Variants in PALM2AKAP2 observed in about 807,000 individuals in gnomAD.
The protein encoded by PALM2AKAP2 is PALM2-AKAP2 fusion protein.
In PALM2AKAP2, 37 loss-of-function variants were observed where a neutral mutation model predicts 71.5. The observed-to-expected ratio is 0.52, with a 90% CI of 0.40 to 0.68. PALM2AKAP2 has a LOEUF of 0.68. PALM2AKAP2 is among the 30% of genes least tolerant of loss of function. The pLI, the probability that PALM2AKAP2 is intolerant of heterozygous loss-of-function variation, is 0.00. For synonymous variants in PALM2AKAP2, 468 were observed against 478.8 expected, an observed-to-expected ratio of 0.98 and a Z score of 0.29; for missense variants, 1,224 against 1,191.8, an observed-to-expected ratio of 1.03 and a Z score of -0.40.
intron 1 of PALM2AKAP2, among the ~76,000 whole-genome samples, chr9:109,786,341 C>G (rs965074027): frequency 6.6e-6 from 1 of 152,208 alleles, no homozygotes; most frequent in South Asian, 2.1e-4. Flanking sequence ...AAACCCAAGC[C>G]CTGTAGAAAC....
intron 1 of PALM2AKAP2, among the ~76,000 whole-genome samples, chr9:109,854,329 T>C (rs893935406): frequency 6.6e-6 from 1 of 152,224 alleles, no homozygotes; most frequent in African/African-American, 2.4e-5. Context: ...AGGAAACATA[T>C]CTATTTAGGT....
chr9:109,914,807 C>T (rs982803550), intron 3 of PALM2AKAP2, among the ~76,000 whole-genome samples: 5 of 152,180 alleles, frequency 3.3e-5, no homozygotes, highest in African/African-American at 1.2e-4. Context: ...TTCATAAAGG[C>T]TCAGCCCATC....
Position 109,849,772 on chromosome 9 carries a change from A to G in PALM2AKAP2, c.46-17719A>G, listed in dbSNP as rs898665391. Among the ~76,000 whole-genome samples, 8 of 152,158 alleles carry G rather than the reference A, an allele frequency of 5.3e-5. No individual in the cohort carries two copies. The East Asian group carries it at 9.6e-4, about 18-fold the overall frequency. ...ACTCTGTCTCAAAAAACAAAAAACAAAAAGCAAAAACAAATAAACGGAAAG... is the reference window on the plus strand; with the variant it reads ...ACTCTGTCTCAAAAAACAAAAAACAGAAAGCAAAAACAAATAAACGGAAAG... On this transcript the variant is annotated intron_variant, in intron 1 of 9. Coordinates refer to the PALM2AKAP2 transcript ENST00000302798.
chr9:110,168,338 C>A, intron 3 of PALM2AKAP2, 61 bp from the exon 11 acceptor site: 1 of 1,565,166 alleles, frequency 6.4e-7, no homozygotes, highest in South Asian at 1.2e-5. Flanking sequence ...ACAGAGAAGT[C>A]GGTTTATGTT....
chr9:109,846,023 A>G (rs948374560), intron 1 of PALM2AKAP2, among the ~76,000 whole-genome samples: 4 of 152,246 alleles, frequency 2.6e-5, no homozygotes, highest in Admixed American at 6.5e-5. Flanking sequence ...AGCAGAGAAT[A>G]CATTGATGTG....
At chr9:110,005,814 A>G (rs1832768700) in intron 6 of PALM2AKAP2, among the ~76,000 whole-genome samples, 1 of 152,114 alleles carries the variant, frequency 6.6e-6, no homozygotes, top group Non-Finnish European at 1.5e-5. Context: ...TGGGTGTGGG[A>G]CCCTCTGAGC....
Position 109,866,969 on chromosome 9 carries a change from A to G in PALM2AKAP2, c.46-522A>G, listed in dbSNP as rs1381307371. On this transcript the variant is annotated intron_variant, in intron 1 of 9. Transcript: ENST00000302798. ...TTCATTTGCATTGTTTGGTATGTCC[A>G]ACTGGGTGATTTGTCCTACAAAATT... is the stretch of plus-strand genomic sequence containing the variant. 2.4e-5 allele frequency: 11 copies of G among 454,160 alleles called. No homozygotes were observed. The East Asian group carries it at 7.6e-4, about 32-fold the overall frequency. 28.1% of individuals were successfully genotyped at this position (454,160 alleles called of 1,614,324 possible).
intron 6 of PALM2AKAP2, among the ~76,000 whole-genome samples, chr9:109,994,848 C>T (rs940167645): frequency 6.6e-6 from 1 of 152,184 alleles, no homozygotes; most frequent in African/African-American, 2.4e-5. Context: ...GGACCTGGTT[C>T]TGGGAGTTGA....
intron 1 of PALM2AKAP2, among the ~76,000 whole-genome samples, chr9:109,742,874 GA>G (rs1238381240): frequency 6.6e-6 from 1 of 152,036 alleles, no homozygotes; most frequent in East Asian, 1.9e-4. Context: ...TCAGAAACAA[GA>G]AAAAAATCTC....
intron 6 of PALM2AKAP2, among the ~76,000 whole-genome samples, chr9:110,000,366 T>C (rs2132273579): frequency 6.6e-6 from 1 of 152,326 alleles, no homozygotes; most frequent in Admixed American, 6.5e-5. Context: ...GGCTGTATAG[T>C]ATTCCATGGT....
At chr9:109,866,502 T>C (rs776769098) in intron 1 of PALM2AKAP2, among the ~76,000 whole-genome samples, 3 of 152,056 alleles carry the variant, frequency 2.0e-5, no homozygotes, top group South Asian at 2.1e-4. Context: ...ATTGTCCACA[T>C]TGGAGAAGTA....
At chr9:109,767,740 C>T (rs1829177819) in intron 1 of PALM2AKAP2, among the ~76,000 whole-genome samples, 1 of 152,178 alleles carries the variant, frequency 6.6e-6, no homozygotes, top group Admixed American at 6.5e-5. Context: ...CCCCATGCCA[C>T]TCTCTCCCCT....
chr9:109,849,149 T>C (rs2252649), intron 1 of PALM2AKAP2, among the ~76,000 whole-genome samples: 38,434 of 151,932 alleles, frequency 0.25, 5,733 homozygotes, highest in Non-Finnish European at 0.32. Flanking sequence ...TCACAAAGTA[T>C]GTTATTTCCT....
intron 6 of PALM2AKAP2, among the ~76,000 whole-genome samples, chr9:109,991,339 G>A (rs190720555): frequency 2.3e-3 from 343 of 151,782 alleles, no homozygotes; most frequent in African/African-American, 8.1e-3. Context: ...TGGGCTCAAG[G>A]CATCCTCTCA....
chr9:109,776,726 G>GA (rs369211201), upstream of PALM2AKAP2, among the ~76,000 whole-genome samples: 7 of 150,648 alleles, frequency 4.6e-5, no homozygotes, highest in African/African-American at 7.3e-5. Context: ...CCAGCCAGAG[G>GA]AAAAAAAAAT....
chr9:109,861,248 A>G (rs1490907069), intron 1 of PALM2AKAP2, among the ~76,000 whole-genome samples: 1 of 152,202 alleles, frequency 6.6e-6, no homozygotes, highest in Non-Finnish European at 1.5e-5. Context: ...ACAGCCTGGC[A>G]TCTCCTAGTG....
chr9:109,688,741 T>C (rs1294134019), intron 1 of PALM2AKAP2, among the ~76,000 whole-genome samples: 2 of 152,226 alleles, frequency 1.3e-5, no homozygotes, highest in East Asian at 3.8e-4. Flanking sequence ...GGAAAGTAGA[T>C]GCTAACAAAT....
chr9:109,850,904 G>A (rs921439524), intron 1 of PALM2AKAP2, among the ~76,000 whole-genome samples: 3 of 152,188 alleles, frequency 2.0e-5, no homozygotes, highest in East Asian at 3.9e-4. Flanking sequence ...GTGGCCGGGC[G>A]TGGTGGCTCA....
chr9:109,718,488 A>G (rs935617475), intron 1 of PALM2AKAP2, among the ~76,000 whole-genome samples: 1 of 152,208 alleles, frequency 6.6e-6, no homozygotes, highest in Non-Finnish European at 1.5e-5. Context: ...TTTATATTAC[A>G]GTGTTGAGAA....
Sources: gnomAD v4.1 joint callset for allele counts (sites outside exome capture counted in the v4.1 genomes callset) on GRCh38, gnomAD v4.1.1 for gene constraint, MANE v1.5 for transcripts, NCBI Gene and HGNC (gene_info 2026-07-23, HGNC 2026-07-21) for gene names.